The following AGBL4 variants were observed in gnomAD, a reference collection of about 807,000 sequenced individuals.
AGBL4 encodes AGBL carboxypeptidase 4.
A neutral mutation model predicts 66.4 loss-of-function variants in AGBL4; 58 were observed. That is an observed-to-expected ratio of 0.87 (90% confidence interval 0.71 to 1.09). The LOEUF is 1.09. Ranked by LOEUF, AGBL4 falls within the 50% of genes least tolerant of loss-of-function variation. The pLI, the probability that AGBL4 is intolerant of heterozygous loss-of-function variation, is 0.00. For synonymous variants in AGBL4, 234 were observed against 222.9 expected (o/e 1.05, Z -0.44); for missense variants, 579 against 631.0 (o/e 0.92, Z 0.88).
At chr1:49,721,159 A>G (rs1558191149) in intron 2 of AGBL4, among the ~76,000 whole-genome samples, 1 of 152,110 alleles carries the variant, frequency 6.6e-6, no homozygotes, top group African/African-American at 2.4e-5. Context: ...AAAGTAGCCA[A>G]TGGCAGGGAG....
At chr1:49,022,920 C>T (rs77400833) in intron 5 of AGBL4, among the ~76,000 whole-genome samples, 3,679 of 152,202 alleles carry the variant, frequency 0.024, 122 homozygotes, top group African/African-American at 0.084. Flanking sequence ...AATGAGGCAA[C>T]TGGGGATCAA....
intron 1 of AGBL4, among the ~76,000 whole-genome samples, chr1:49,862,074 T>G (rs979986459): frequency 5.9e-5 from 9 of 151,626 alleles, no homozygotes; most frequent in Non-Finnish European, 1.2e-4. Context: ...CCTGGAAAAA[T>G]AGAGATATGT....
intron 3 of AGBL4, among the ~76,000 whole-genome samples, chr1:49,246,963 C>T (rs956752932): frequency 6.6e-6 from 1 of 151,960 alleles, no homozygotes; most frequent in African/African-American, 2.4e-5. Context: ...CTTTTTTAAA[C>T]ATTGGAAATA....
At chr1:49,352,790 A>C (rs1221478744) in intron 3 of AGBL4, among the ~76,000 whole-genome samples, 1 of 152,248 alleles carries the variant, frequency 6.6e-6, no homozygotes, top group Admixed American at 6.5e-5. Context: ...GCTAATCCTC[A>C]TAACTTATCA....
chr1:48,581,450 T>A (rs934413436), intron 11 of AGBL4, among the ~76,000 whole-genome samples: 7 of 152,190 alleles, frequency 4.6e-5, no homozygotes, highest in Non-Finnish European at 1.0e-4. Flanking sequence ...GTTTTTCTCA[T>A]CCATTATGTC....
intron 4 of AGBL4, among the ~76,000 whole-genome samples, chr1:49,227,055 G>A (rs1227071406): frequency 2.0e-5 from 3 of 152,022 alleles, no homozygotes; most frequent in Non-Finnish European, 4.4e-5. Context: ...CTCCCCAAAG[G>A]TCCCACCTCC....
chr1:48,948,638 A>G (rs533783637), intron 5 of AGBL4, among the ~76,000 whole-genome samples: 3 of 152,176 alleles, frequency 2.0e-5, no homozygotes, highest in Non-Finnish European at 2.9e-5. Flanking sequence ...TGATTCACTA[A>G]TTTCAGAGAA....
At chr1:49,705,794 G>T (rs1231346484) in intron 2 of AGBL4, among the ~76,000 whole-genome samples, 2 of 151,692 alleles carry the variant, frequency 1.3e-5, no homozygotes, top group Admixed American at 6.6e-5. Flanking sequence ...TGCATCTATT[G>T]ATATAATCAT....
intron 3 of AGBL4, among the ~76,000 whole-genome samples, chr1:49,637,457 C>T (rs929413315): frequency 1.3e-5 from 2 of 151,882 alleles, no homozygotes; most frequent in African/African-American, 2.4e-5. Flanking sequence ...CCTGCCACCA[C>T]GCCCAGCTAA....
At chr1:49,813,283 A>G (rs1245517878) in intron 2 of AGBL4, among the ~76,000 whole-genome samples, 1 of 152,200 alleles carries the variant, frequency 6.6e-6, no homozygotes, top group Non-Finnish European at 1.5e-5. Flanking sequence ...TAAGAAAAAC[A>G]TTAAAAATTG....
chr1:49,395,755 A>G (rs1309762429), intron 3 of AGBL4, among the ~76,000 whole-genome samples: 23 of 142,938 alleles, frequency 1.6e-4, no homozygotes, highest in African/African-American at 4.2e-4. Flanking sequence ...ATGTATATAT[A>G]TATATATACA....
chr1:49,533,536 C>T (rs1023791906), intron 3 of AGBL4, among the ~76,000 whole-genome samples: 5 of 152,108 alleles, frequency 3.3e-5, no homozygotes, highest in Non-Finnish European at 7.4e-5. Flanking sequence ...CAGATGACTA[C>T]TCAGGTCTCT....
At chr1:49,180,584 G>T (rs1316508328) in intron 4 of AGBL4, among the ~76,000 whole-genome samples, 1 of 152,064 alleles carries the variant, frequency 6.6e-6, no homozygotes, top group Non-Finnish European at 1.5e-5. Flanking sequence ...TATTGAATTG[G>T]GTCTCCATTT....
chr1:48,782,278 C>G (rs1334781917), intron 6 of AGBL4, among the ~76,000 whole-genome samples: 1 of 152,176 alleles, frequency 6.6e-6, no homozygotes, highest in Middle Eastern at 3.2e-3. Flanking sequence ...ATGTACACAT[C>G]TGGGGCAGCT....
At chr1:48,530,815 T>C (rs532808507), downstream of AGBL4, among the ~76,000 whole-genome samples, 2 of 152,316 alleles carry the variant, frequency 1.3e-5, no homozygotes, top group Admixed American at 1.3e-4. Flanking sequence ...CATAGTTGTC[T>C]GTCTCCTTGG....
rs79898410 is a variant in AGBL4, at chr1:49,933,930, A to T, written c.35-82412T>A. On this transcript the variant is annotated intron_variant, in intron 1 of 13. Coordinates refer to ENST00000371839, the MANE Select transcript of AGBL4 (RefSeq NM_032785.4). ...TCTCTGTTAATAATTACTTTAACAT[A>T]AATTAAACTCCCCAGTCAAAACACA... Among the ~76,000 whole-genome samples the T allele has an allele frequency of 8.0e-3, 1,219 of 152,326 alleles. 9 individuals carry two copies. Among genetic ancestry groups the T allele is most frequent in the Middle Eastern group, 0.031 (9 of 294 alleles).
intron 3 of AGBL4, among the ~76,000 whole-genome samples, chr1:49,659,674 C>A (rs1221371416): frequency 1.3e-5 from 2 of 152,046 alleles, no homozygotes; most frequent in Admixed American, 6.6e-5. Flanking sequence ...GACTCACGCA[C>A]AACAATGCAC....
chr1:49,317,026 T>C lies in AGBL4; in HGVS notation c.283-71162A>G, dbSNP rs1570420875. 2.6e-5 allele frequency among the ~76,000 whole-genome samples: 4 copies of C among 152,032 alleles called. 1 individual carries two copies. The highest frequency in any genetic ancestry group is 4.1e-4 in the South Asian group (2 of 4,828). On this transcript the variant is annotated intron_variant, in intron 3 of 13. Coordinates refer to ENST00000371839, the MANE Select transcript of AGBL4 (RefSeq NM_032785.4). The stretch of plus-strand genomic sequence containing the variant: ...CTAATTATTAAGAAAAAAACATATA[T>C]AGCATTTTACATTTTTGTCTCTATA...
intron 3 of AGBL4, among the ~76,000 whole-genome samples, chr1:49,287,657 C>A (rs1183356953): frequency 6.6e-6 from 1 of 152,122 alleles, no homozygotes; most frequent in Non-Finnish European, 1.5e-5. Flanking sequence ...AGCAAAACCA[C>A]AATGAGATAC....
Sources: gnomAD v4.1 joint callset for allele counts (sites outside exome capture counted in the v4.1 genomes callset) on GRCh38, gnomAD v4.1.1 for gene constraint, MANE v1.5 for transcripts, NCBI Gene and HGNC (gene_info 2026-07-23, HGNC 2026-07-21) for gene names.